DHTKD1: variants seen among roughly 807,000 people sequenced by gnomAD.
The protein encoded by DHTKD1 is 2-oxoadipate dehydrogenase complex component E1.
Under a neutral mutation model 101.8 loss-of-function variants are expected in DHTKD1, and 78 were observed. The ratio of observed to expected loss-of-function variants is 0.77; its 90% CI spans 0.64 to 0.93. DHTKD1 has a LOEUF of 0.93. Among genes scored for constraint, DHTKD1 ranks in the 40% least tolerant of loss-of-function variants. The pLI, the probability that DHTKD1 is intolerant of heterozygous loss-of-function variation, is 0.00. For missense variants in DHTKD1, 1,223 were observed against 1,161.7 expected, an observed-to-expected ratio of 1.05 and a Z score of -0.77; for synonymous variants, 462 against 450.3, an observed-to-expected ratio of 1.03 and a Z score of -0.33.
Position 12,095,812 on chromosome 10 carries a change from CAAA to C in DHTKD1, c.1358+1560_1358+1562del, listed in dbSNP as rs1185585860. ...TGGGTGGCATAGCGAGACTCCGTCT[CAAA>C]AAAAAAAAAAAAAAAAAAGAAAAGA... On this transcript the variant is annotated intron_variant, in intron 7 of 16. Coordinates refer to ENST00000263035, the MANE Select transcript of DHTKD1 (RefSeq NM_018706.7). Among the ~76,000 whole-genome samples the C allele has an allele frequency of 6.0e-4, 25 of 41,496 alleles. 1 individual carries two copies. Among genetic ancestry groups the C allele is most frequent in the East Asian group, 1.1e-3 (2 of 1,748 alleles). 27.2% of individuals were successfully genotyped at this position (41,496 alleles called of 152,430 possible). A position where few individuals can be genotyped will look rare whatever the true frequency, so the allele number is the denominator to read the frequency against.
chr10:12,096,467 C>T (rs1468004424), intron 7 of DHTKD1, among the ~76,000 whole-genome samples: 1 of 152,106 alleles, frequency 6.6e-6, no homozygotes, highest in Non-Finnish European at 1.5e-5. Flanking sequence ...CTCACTGTAG[C>T]CTCGACTTCC....
At chr10:12,118,064 A>G (rs147226323) in intron 14 of DHTKD1, among the ~76,000 whole-genome samples, 164 of 151,036 alleles carry the variant, frequency 1.1e-3, no homozygotes, top group Non-Finnish European at 2.0e-3. Flanking sequence ...TAATTTTTTT[A>G]TTTTTAGTAG....
chr10:12,096,499 C>A (rs889405054), intron 7 of DHTKD1, among the ~76,000 whole-genome samples: 4 of 152,154 alleles, frequency 2.6e-5, no homozygotes, highest in Non-Finnish European at 5.9e-5. Flanking sequence ...GATCCTCCCG[C>A]CTCCACCTCC....
At chr10:12,109,761 T>C (rs1833300760) in intron 12 of DHTKD1, among the ~76,000 whole-genome samples, 2 of 150,270 alleles carry the variant, frequency 1.3e-5, no homozygotes, top group Admixed American at 1.3e-4. Context: ...CCCAGGAGTT[T>C]GAGACCAGCT....
At chr10:12,108,128 G>C (rs1833278472) in intron 12 of DHTKD1, 113 bp downstream of exon 12, 2 of 698,212 alleles carry the variant, frequency 2.9e-6, no homozygotes, top group Admixed American at 5.7e-5. Flanking sequence ...TAGTATTTGA[G>C]TGAAACAGAT....
intron 6 of DHTKD1, 88 bp downstream of exon 6, chr10:12,091,772 A>C: frequency 1.4e-5 from 14 of 1,036,884 alleles, no homozygotes; most frequent in Non-Finnish European, 2.0e-5. Flanking sequence ...AATGAGCCTC[A>C]CTGGTTATCC....
chr10:12,108,529 C>T (rs928940667), intron 12 of DHTKD1, among the ~76,000 whole-genome samples: 1 of 152,186 alleles, frequency 6.6e-6, no homozygotes, highest in South Asian at 2.1e-4. Flanking sequence ...ATCTACCCGC[C>T]TCAGCTTCCC....
At chr10:12,111,157 G>A (rs781141466) in intron 12 of DHTKD1, among the ~76,000 whole-genome samples, 5 of 151,800 alleles carry the variant, frequency 3.3e-5, no homozygotes, top group Non-Finnish European at 5.9e-5. Context: ...TGTGTCAAGA[G>A]TTCCTTTTGT....
chr10:12,080,354 A>G (rs1336350550), intron 1 of DHTKD1, among the ~76,000 whole-genome samples: 1 of 151,686 alleles, frequency 6.6e-6, no homozygotes, highest in African/African-American at 2.4e-5. Flanking sequence ...TACAAACCCA[A>G]GTGCATGGGT....
At chr10:12,109,444 A>G (rs1357610852) in intron 12 of DHTKD1, among the ~76,000 whole-genome samples, 1 of 151,228 alleles carries the variant, frequency 6.6e-6, no homozygotes, top group Non-Finnish European at 1.5e-5. Flanking sequence ...GGTGGGGGAT[A>G]CAGTTTCGGA....
chr10:12,092,880 T>TTTG (rs903653979), intron 6 of DHTKD1, among the ~76,000 whole-genome samples: 2 of 151,870 alleles, frequency 1.3e-5, no homozygotes, highest in Non-Finnish European at 2.9e-5. Context: ...GGTAGGTTTT[T>TTTG]TTGTTGTTGT....
At chr10:12,119,130 C>G (rs1281386239) in intron 15 of DHTKD1, among the ~76,000 whole-genome samples, 5 of 151,166 alleles carry the variant, frequency 3.3e-5, no homozygotes, top group African/African-American at 1.2e-4. Flanking sequence ...CACGGTGAAC[C>G]CCCGTCTCTA....
At chr10:12,099,673 G>T (rs1833126022) in intron 8 of DHTKD1, among the ~76,000 whole-genome samples, 2 of 152,030 alleles carry the variant, frequency 1.3e-5, no homozygotes, top group Non-Finnish European at 2.9e-5. Flanking sequence ...GCGTGACAGA[G>T]TGAGACTGCC....
chr10:12,101,527 T>C (rs143157146), intron 10 of DHTKD1, among the ~76,000 whole-genome samples: 2 of 152,362 alleles, frequency 1.3e-5, no homozygotes, highest in African/African-American at 2.4e-5. Context: ...TACTTAAGGA[T>C]AGCAAAATCG....
At chr10:12,093,252 C>T (rs1408050311) in intron 6 of DHTKD1, among the ~76,000 whole-genome samples, 1 of 152,272 alleles carries the variant, frequency 6.6e-6, no homozygotes, top group Non-Finnish European at 1.5e-5. Flanking sequence ...CCATGTTGGT[C>T]AGGCTGGTCT....
chr10:12,115,562 A>G (rs1833403133), intron 13 of DHTKD1, among the ~76,000 whole-genome samples: 5 of 152,156 alleles, frequency 3.3e-5, no homozygotes, highest in Admixed American at 3.3e-4. Context: ...TCTAGTCAAT[A>G]GCCAGGAAAT....
At chr10:12,106,174 A>G (rs756488152) in intron 10 of DHTKD1, 72 bp from the exon 11 acceptor site, 673 of 1,529,042 alleles carry the variant, frequency 4.4e-4, no homozygotes, top group Non-Finnish European at 5.5e-4. Context: ...CCTCCCTTCG[A>G]TAAGTTCGCA....
intron 15 of DHTKD1, among the ~76,000 whole-genome samples, chr10:12,119,771 C>G (rs1478838857): frequency 6.6e-6 from 1 of 151,990 alleles, no homozygotes; most frequent in Non-Finnish European, 1.5e-5. Flanking sequence ...CTCCGTGGCA[C>G]ACATTTACCT....
At chr10:12,120,339 C>CT (rs539793101) in intron 16 of DHTKD1, 72 bp downstream of exon 16, 63,958 of 1,007,398 alleles carry the variant, frequency 0.063, 17 homozygotes, top group East Asian at 0.092. Flanking sequence ...TTCTTTCTTT[C>CT]TTTTTTTTTT....
Sources: allele counts gnomAD v4.1 joint callset (sites outside exome capture counted in the v4.1 genomes callset), GRCh38; gene constraint gnomAD v4.1.1; transcripts MANE v1.5; gene names NCBI Gene and HGNC (gene_info 2026-07-23, HGNC 2026-07-21).